The following PKHD1L1 variants were observed in gnomAD, a reference collection of about 807,000 sequenced individuals.
PKHD1L1 encodes PKHD1 like 1.
PKHD1L1 carries 434 observed loss-of-function variants against 462.9 expected under a neutral mutation model. The ratio of observed to expected loss-of-function variants is 0.94; its 90% CI spans 0.87 to 1.02. The LOEUF (loss-of-function observed/expected upper bound fraction) is 1.02, where lower values mean the gene tolerates loss of function less well. Ranked by LOEUF, PKHD1L1 falls within the 50% of genes least tolerant of loss-of-function variation. PKHD1L1 has a pLI of 0.00. For synonymous variants in PKHD1L1, 1,781 were observed against 1,750.0 expected (o/e 1.02, Z -0.44); for missense variants, 5,202 against 5,096.1 (o/e 1.02, Z -0.63).
In PKHD1L1 at chr8:109,490,838, T is replaced by C. The variant is rs1407591626; in HGVS notation, c.9985-134T>C. 3 of 724,864 alleles carry C rather than the reference T, an allele frequency of 4.1e-6. No homozygotes were observed. In the African/African-American group the frequency reaches 5.4e-5, roughly 13 times the overall value. 44.9% of individuals were successfully genotyped at this position (724,864 alleles called of 1,614,324 possible). On this transcript the variant is annotated intron_variant, in intron 60 of 77. Coordinates refer to ENST00000378402, the MANE Select transcript of PKHD1L1 (RefSeq NM_177531.6). Reference sequence around the variant, plus strand: ...GATATATTAAAGACTTATGGAGAAATCATCTTTAAGAGAAAGTGAATTGAG... The same window carrying C: ...GATATATTAAAGACTTATGGAGAAACCATCTTTAAGAGAAAGTGAATTGAG...
chr8:109,490,721 G>A (rs1320360480), intron 60 of PKHD1L1, among the ~76,000 whole-genome samples: 1 of 151,458 alleles, frequency 6.6e-6, no homozygotes, highest in Non-Finnish European at 1.5e-5. Context: ...AAGAACTGGA[G>A]AATTTTGAAA....
Position 109,372,079 on chromosome 8 carries a change from A to G in PKHD1L1, c.163+7443A>G, listed in dbSNP as rs187825129. Reference sequence around the variant, plus strand: ...GCTTGATGGGGATGGCATTGAATCTATAAATTACCTTGGGCAGTATGGCCG... The same window carrying G: ...GCTTGATGGGGATGGCATTGAATCTGTAAATTACCTTGGGCAGTATGGCCG... On this transcript the variant is annotated intron_variant, in intron 2 of 77. Transcript: ENST00000378402. Among the ~76,000 whole-genome samples, 931 of 152,252 alleles carry G rather than the reference A, an allele frequency of 6.1e-3. 7 individuals are homozygous for G. The highest frequency in any genetic ancestry group is 0.051 in the Middle Eastern group (15 of 294).
chr8:109,414,378 G>A (rs897838), intron 21 of PKHD1L1, among the ~76,000 whole-genome samples: 80,474 of 151,916 alleles, frequency 0.53, 21,469 homozygotes, highest in South Asian at 0.65. Context: ...CCATCACTCC[G>A]CTGAAGACAT....
chr8:109,445,749 A>G (rs917448307), intron 38 of PKHD1L1, 104 bp downstream of exon 38: 1 of 1,217,864 alleles, frequency 8.2e-7, no homozygotes, highest in African/African-American at 1.5e-5. Flanking sequence ...GTGTGTTTAT[A>G]AATGTTCCCA....
At chr8:109,396,238 T>C (rs1812968983) in intron 11 of PKHD1L1, 101 bp downstream of exon 11, 1 of 830,876 alleles carries the variant, frequency 1.2e-6, no homozygotes, top group African/African-American at 1.7e-5. Flanking sequence ...AACTCATGCC[T>C]TCAATTGGAA....
rs769435632 is a variant in PKHD1L1, at chr8:109,412,352, T to C, written c.2173T>C (p.Ser725Pro). The C allele has an allele frequency of 1.9e-6, 3 of 1,613,648 alleles. No homozygotes were observed. Among genetic ancestry groups the C allele is most frequent in the African/African-American group, 2.7e-5 (2 of 74,940 alleles). The change falls in exon 20 of 78, where the codon TCA becomes CCA. Residue 725 changes from serine to proline, a missense_variant. By Grantham distance (74) the Ser-to-Pro change is moderately conservative (BLOSUM62 -1). Coordinates refer to ENST00000378402, the MANE Select transcript of PKHD1L1 (RefSeq NM_177531.6). ...GAAAAACCCAGCTGTTCTTTTTGAC[T>C]CAGCAGATGTTAAACCAAACAGACG... ...SLKNPAVLFD[S>P]ADVKPNRRPY...
intron 67 of PKHD1L1, among the ~76,000 whole-genome samples, chr8:109,503,265 A>G (rs571102756): frequency 4.0e-3 from 57 of 14,234 alleles, no homozygotes; most frequent in African/African-American, 0.014. Context: ...TGATCACACC[A>G]CTGGACCCCA....
intron 77 of PKHD1L1, 53 bp from the exon 78 acceptor site, chr8:109,530,027 T>C (rs1820993603): frequency 9.4e-7 from 1 of 1,059,930 alleles, no homozygotes; most frequent in Non-Finnish European, 1.3e-6. Context: ...TTTTAAATTA[T>C]ACTATATGCT....
At position 109,400,203 on chromosome 8, in the gene PKHD1L1, T is replaced by G. The variant is rs761884367; in HGVS notation, c.1140T>G (p.Ile380Met). Residue 380 changes from isoleucine to methionine, a missense_variant, in exon 13 of 78, where the codon ATT (isoleucine) becomes ATG (methionine). Ile to Met is a conservative substitution (Grantham distance 10). Around this residue, in one of 3 missense-constraint regions of PKHD1L1, gnomAD observed 4,497 missense variants for 4,336.8 expected, o/e 1.04. Coordinates refer to ENST00000378402, the MANE Select transcript of PKHD1L1 (RefSeq NM_177531.6). ...GTTGGGTAGATTCAGCTTCCTATAT[T>G]TGGCTCATGGAACAAGACACATTTG... ...GASWVDSASY[I>M]WLMEQDTFVA... is the part of the protein sequence containing the mutation. The G allele has an allele frequency of 1.2e-6, 2 of 1,613,686 alleles. No individual in the cohort carries two copies. Among genetic ancestry groups the G allele is most frequent in the Non-Finnish European group, 1.7e-6 (2 of 1,179,688 alleles).
At chr8:109,442,638 A>G (rs1202538522) in intron 35 of PKHD1L1, among the ~76,000 whole-genome samples, 1 of 152,118 alleles carries the variant, frequency 6.6e-6, no homozygotes, top group Non-Finnish European at 1.5e-5. Context: ...CCTTTCACTC[A>G]CGAAAAAAAA....
intron 26 of PKHD1L1, 64 bp from the exon 27 acceptor site, chr8:109,429,868 C>G: frequency 2.9e-6 from 3 of 1,033,320 alleles, no homozygotes; most frequent in Non-Finnish European, 3.0e-6. Context: ...TTGTTAAAAC[C>G]TATTCATATT....
At chr8:109,392,497 C>A (rs1361762528) in intron 9 of PKHD1L1, among the ~76,000 whole-genome samples, 3 of 151,864 alleles carry the variant, frequency 2.0e-5, no homozygotes, top group African/African-American at 7.3e-5. Context: ...TTCCACCCCC[C>A]ACCCATTTTT....
rs368657255 is a variant in PKHD1L1 at position 109,396,075 on chromosome 8, C to G, written c.860C>G (p.Thr287Arg). 4 of 1,608,986 alleles carry G rather than the reference C, an allele frequency of 2.5e-6. No individual in the cohort carries two copies. The highest frequency in any genetic ancestry group is 3.4e-6 in the Non-Finnish European group (4 of 1,177,892). The change falls in exon 11 of 78, where the codon ACG becomes AGG. Residue 287 changes from threonine to arginine, a missense_variant. By Grantham distance (71) the Thr-to-Arg change is moderately conservative. Around this residue, in one of 3 missense-constraint regions of PKHD1L1, gnomAD observed 4,497 missense variants for 4,336.8 expected, o/e 1.04. Coordinates refer to ENST00000378402, the MANE Select transcript of PKHD1L1 (RefSeq NM_177531.6). ...CAAGGAAGCATTCGAGGTGGCACCACGCTGACAATAAGTGGGCGTTTCTTT... is the reference window on the plus strand; with the variant it reads ...CAAGGAAGCATTCGAGGTGGCACCAGGCTGACAATAAGTGGGCGTTTCTTT... ...PSQGSIRGGTTLTISGRFFDQ... is the reference protein window; with the variant it reads ...PSQGSIRGGTRLTISGRFFDQ...
intron 51 of PKHD1L1, among the ~76,000 whole-genome samples, chr8:109,475,847 C>CAAAAAAA (rs35419700): frequency 1.0e-5 from 1 of 95,286 alleles, no homozygotes; most frequent in Admixed American, 1.1e-4. Context: ...GACTCCATCT[C>CAAAAAAA]AAAAAAAAAA....
chr8:109,375,289 G>A (rs576053424), intron 2 of PKHD1L1, among the ~76,000 whole-genome samples: 37 of 152,098 alleles, frequency 2.4e-4, no homozygotes, highest in South Asian at 1.5e-3. Context: ...CCAGTTGATC[G>A]CATCAGCTAC....
intron 26 of PKHD1L1, 25 bp downstream of exon 26, chr8:109,429,487 T>G (rs1231119200): frequency 6.3e-6 from 10 of 1,589,354 alleles, no homozygotes; most frequent in Admixed American, 5.2e-5. Context: ...TTTCTCATGA[T>G]GCTTAATGTA....
intron 62 of PKHD1L1, among the ~76,000 whole-genome samples, chr8:109,492,574 A>G (rs1251582859): frequency 6.6e-6 from 1 of 151,894 alleles, no homozygotes; most frequent in Non-Finnish European, 1.5e-5. Context: ...GAGTTTTTTT[A>G]TGTGCAACTA....
At chr8:109,516,676 T>A (rs1413646732) in intron 72 of PKHD1L1, among the ~76,000 whole-genome samples, 1 of 152,136 alleles carries the variant, frequency 6.6e-6, no homozygotes, top group East Asian at 1.9e-4. Flanking sequence ...TCTTTTAAAT[T>A]AAGAGAGTCA....
chr8:109,483,563 T>C (rs1436496685), intron 57 of PKHD1L1, among the ~76,000 whole-genome samples: 1 of 149,320 alleles, frequency 6.7e-6, no homozygotes, highest in African/African-American at 2.4e-5. Context: ...ATATGAATAT[T>C]TTTGGATAAA....
Sources: allele counts gnomAD v4.1 joint callset (sites outside exome capture counted in the v4.1 genomes callset), GRCh38; gene constraint gnomAD v4.1.1; regional missense constraint gnomAD v4.1.1; transcripts MANE v1.5; gene names NCBI Gene and HGNC (gene_info 2026-07-23, HGNC 2026-07-21).